Variants in IQANK1 observed in about 807,000 individuals in gnomAD.
The protein encoded by IQANK1 is IQ motif and ankyrin repeat domain-containing protein 1.
A neutral mutation model predicts 22.6 loss-of-function variants in IQANK1; 30 were observed. The observed-to-expected ratio is 1.33, with a 90% confidence interval of 0.99 to 1.80. The LOEUF (loss-of-function observed/expected upper bound fraction) is 1.80, where lower values mean the gene tolerates loss of function less well. Among genes scored for constraint, IQANK1 ranks in the 40% most tolerant of loss-of-function variants. The pLI, the probability that IQANK1 is intolerant of heterozygous loss-of-function variation, is 0.00. For synonymous variants in IQANK1, 122 were observed against 99.6 expected (o/e 1.23, Z -1.34); for missense variants, 275 against 235.2 (o/e 1.17, Z -1.11).
Position 143,790,222 on chromosome 8 carries a change from G to T in IQANK1, c.1375G>T (p.Glu459Ter), listed in dbSNP as rs1820004993. The change falls in exon 13 of 14, where the codon GAG (glutamate) becomes TAG (stop). Residue 459 changes from glutamate to a stop codon, truncating the protein, a stop_gained. Coordinates refer to ENST00000527139, the MANE Select transcript of IQANK1 (RefSeq NM_001381874.1). LOFTEE classifies it low-confidence loss of function (END_TRUNC). Reference sequence around the variant, plus strand: ...CAACTATGTGGACACGGTGAACCCGGAGCCCCTGAGGCCGGAGACGATGTG... The same window carrying T: ...CAACTATGTGGACACGGTGAACCCGTAGCCCCTGAGGCCGGAGACGATGTG... ...DTNYVDTVNP[E>*]PLRPETMWLA... The T allele has an allele frequency of 8.1e-7, 1 of 1,232,046 alleles. No homozygotes were observed. The highest frequency in any genetic ancestry group is 1.6e-5 in the African/African-American group (1 of 64,436). The allele number at this position is 1,232,046 out of a possible 1,614,324, so 76.3% of individuals were successfully genotyped here.
chr8:143,763,742 C>T (rs1427593633), intron 3 of IQANK1, among the ~76,000 whole-genome samples: 3 of 152,158 alleles, frequency 2.0e-5, no homozygotes, highest in Non-Finnish European at 4.4e-5. Flanking sequence ...CCTGCAGAAC[C>T]GTGAGCCAAG....
chr8:143,755,530 AT>A (rs1819275646), intron 3 of IQANK1, among the ~76,000 whole-genome samples: 1 of 151,934 alleles, frequency 6.6e-6, no homozygotes, highest in African/African-American at 2.4e-5. Flanking sequence ...TGCCAGGCTA[AT>A]TTTTGTATTT....
intron 3 of IQANK1, among the ~76,000 whole-genome samples, chr8:143,767,121 A>G (rs1056030585): frequency 6.6e-6 from 1 of 152,244 alleles, no homozygotes; most frequent in Non-Finnish European, 1.5e-5. Context: ...ATTATTTGCC[A>G]TTCTTGGCTC....
chr8:143,743,282 A>T lies in IQANK1; in HGVS notation c.175+3334A>T, dbSNP rs189032140. Among the ~76,000 whole-genome samples the T allele has an allele frequency of 2.6e-4, 40 of 152,142 alleles. No individual in the cohort carries two copies. In the East Asian group the frequency reaches 6.9e-3, roughly 26 times the overall value. ...AGCTGTCTTGCCCAGGCTGGAGTTCAGGGGCTATTCCCAGGTGTAACCCTA... is the reference window on the plus strand; with the variant it reads ...AGCTGTCTTGCCCAGGCTGGAGTTCTGGGGCTATTCCCAGGTGTAACCCTA... On this transcript the variant is annotated intron_variant, in intron 3 of 13. Transcript: ENST00000527139.
chr8:143,785,253 C>CTTTTTTTTTTTTTTTTT (rs36118052), intron 7 of IQANK1, among the ~76,000 whole-genome samples: 1 of 92,038 alleles, frequency 1.1e-5, no homozygotes, highest in African/African-American at 3.6e-5. Context: ...TGTTCTGTAT[C>CTTTTTTTTTTTTTTTTT]TTTTTTTTTT....
chr8:143,762,210 C>A (rs1554628920), intron 3 of IQANK1, among the ~76,000 whole-genome samples: 1 of 151,908 alleles, frequency 6.6e-6, no homozygotes. Context: ...ACTCGGGAGG[C>A]TGAGGTGGGA....
chr8:143,770,523 C>A (rs544399196), intron 3 of IQANK1, among the ~76,000 whole-genome samples: 1 of 152,174 alleles, frequency 6.6e-6, no homozygotes, highest in East Asian at 1.9e-4. Flanking sequence ...GGGTCTTCCG[C>A]GTCTCCCAGT....
Position 143,769,150 on chromosome 8 carries a change from C to G in IQANK1, c.176-2338C>G, listed in dbSNP as rs569997389. On this transcript the variant is annotated intron_variant, in intron 3 of 13. Transcript: ENST00000527139. ...TGATCATGGCTCACTGCAGCATTGA[C>G]CTGGGCTCAAGCCATCTTCCCATCT... is the stretch of plus-strand genomic sequence containing the variant. Among the ~76,000 whole-genome samples, 383 of 151,794 alleles carry G rather than the reference C, an allele frequency of 2.5e-3. 1 individual carries two copies. The highest frequency in any genetic ancestry group is 8.9e-3 in the African/African-American group (370 of 41,346).
chr8:143,740,041 G>A, intron 3 of IQANK1, 93 bp downstream of exon 3: 1 of 602,840 alleles, frequency 1.7e-6, no homozygotes, highest in Non-Finnish European at 3.0e-6. Context: ...GTGTGGGCGC[G>A]CGCTTGCGTG....
chr8:143,775,335 T>TAC (rs55908803), intron 7 of IQANK1, among the ~76,000 whole-genome samples: 62,902 of 147,512 alleles, frequency 0.43, 14,854 homozygotes, highest in Non-Finnish European at 0.55. Context: ...CCAGGCATGC[T>TAC]ACACACACAC....
chr8:143,782,972 A>G lies in IQANK1; in HGVS notation c.790-5943A>G, dbSNP rs140209347. 6.2e-4 allele frequency among the ~76,000 whole-genome samples: 94 copies of G among 152,278 alleles called. 1 individual carries two copies. The East Asian group carries it at 0.018, about 28-fold the overall frequency. ...TATCTGGCTTCTTCTATCACAGGCT[A>G]TATTCGTGAGATTCAGTCTTGTTGC... On this transcript the variant is annotated intron_variant, in intron 7 of 13. Coordinates refer to ENST00000527139, the MANE Select transcript of IQANK1 (RefSeq NM_001381874.1).
intron 2 of IQANK1, among the ~76,000 whole-genome samples, chr8:143,737,217 C>G (rs549401545): frequency 6.6e-6 from 1 of 152,228 alleles, no homozygotes; most frequent in Admixed American, 6.5e-5. Context: ...GGGGGCAGGG[C>G]AGGTGGACCA....
chr8:143,770,995 G>T (rs1434256006), intron 3 of IQANK1, among the ~76,000 whole-genome samples: 3 of 152,132 alleles, frequency 2.0e-5, no homozygotes, highest in African/African-American at 7.2e-5. Context: ...CGAGGGCGAG[G>T]CCGAGCCGGA....
chr8:143,786,001 A>C (rs1367021524), intron 7 of IQANK1, among the ~76,000 whole-genome samples: 2 of 152,180 alleles, frequency 1.3e-5, no homozygotes. Context: ...CTGAGATCAC[A>C]GGCGTCAGCC....
chr8:143,789,900 C>T (rs1006568580), intron 11 of IQANK1, 31 bp downstream of exon 11: 3 of 1,231,698 alleles, frequency 2.4e-6, no homozygotes, highest in Admixed American at 4.2e-5. Context: ...CGGCTGGGGG[C>T]TGGGACATAC....
chr8:143,753,304 G>A (rs559680692), intron 3 of IQANK1, among the ~76,000 whole-genome samples: 19 of 151,596 alleles, frequency 1.3e-4, no homozygotes, highest in East Asian at 9.8e-4. Context: ...GTGAGCCACC[G>A]CACCTGGCCT....
Position 143,748,489 on chromosome 8 carries a change from G to T in IQANK1, c.175+8541G>T, listed in dbSNP as rs1554627476. ...ACATGATATATAATATATAAATATAGATGATATATATGATATATAATATAT... is the reference window on the plus strand; with the variant it reads ...ACATGATATATAATATATAAATATATATGATATATATGATATATAATATAT... On this transcript the variant is annotated intron_variant, in intron 3 of 13. Transcript: ENST00000527139. Among the ~76,000 whole-genome samples the T allele has an allele frequency of 2.9e-5, 4 of 136,192 alleles. No individual in the cohort carries two copies. The East Asian group carries it at 6.2e-4, about 21-fold the overall frequency. 89.3% of individuals were successfully genotyped at this position (136,192 alleles called of 152,430 possible).
At chr8:143,751,654 G>GTATATATA (rs1394995181) in intron 3 of IQANK1, among the ~76,000 whole-genome samples, 3 of 37,034 alleles carry the variant, frequency 8.1e-5, no homozygotes, top group East Asian at 6.7e-4. Context: ...GTGTGTGTGT[G>GTATATATA]TGTGTGTGTG....
Position 143,789,439 on chromosome 8 carries a change from C to T in IQANK1, c.997C>T (p.Gln333Ter). The T allele has an allele frequency of 8.1e-7, 1 of 1,228,826 alleles. No homozygotes were observed. The highest frequency in any genetic ancestry group is 4.1e-5 in the South Asian group (1 of 24,290). 76.1% of individuals were successfully genotyped at this position (1,228,826 alleles called of 1,614,324 possible). ...GCCTGCCCGTACGCCCACCCAGCTG[C>T]AACAGGCCTACTGTGAGCTTAGCCG... ...REQQQCHKEL[Q>*]QAYCELSRRI... Residue 333 changes from glutamine to a stop codon, truncating the protein, a stop_gained, in exon 10 of 14, where the codon CAA (glutamine) becomes TAA (stop). Coordinates refer to ENST00000527139, the MANE Select transcript of IQANK1 (RefSeq NM_001381874.1). LOFTEE classifies it high-confidence loss of function.
Sources: allele counts gnomAD v4.1 joint callset (sites outside exome capture counted in the v4.1 genomes callset), GRCh38; gene constraint gnomAD v4.1.1; transcripts MANE v1.5; gene names NCBI Gene and HGNC (gene_info 2026-07-23, HGNC 2026-07-21).